The following TRAPPC5 variants were observed in gnomAD, a reference collection of about 807,000 sequenced individuals.
TRAPPC5 encodes trafficking protein particle complex subunit 5.
A neutral mutation model predicts 9.8 loss-of-function variants in TRAPPC5; 5 were observed. That is an observed-to-expected ratio of 0.51 (90% CI 0.27 to 1.07). The LOEUF (loss-of-function observed/expected upper bound fraction) is 1.07. TRAPPC5 is among the 50% of genes least tolerant of loss of function. TRAPPC5 has a pLI of 0.12. For missense variants in TRAPPC5, 243 were observed against 291.5 expected, an observed-to-expected ratio of 0.83 and a Z score of 1.21; for synonymous variants, 146 against 140.7, an observed-to-expected ratio of 1.04 and a Z score of -0.26.
rs2032720701 is a variant in TRAPPC5 at position 7,686,644 on chromosome 19, G to A, written c.*3824G>A. On this transcript the variant is annotated 3_prime_UTR_variant, in exon 2 of 2. Transcript: ENST00000596148. ...CCTGCTTCAGCCTCCTGAATAGTTGGGACTATAGGCATCCGCCACCACACC... is the reference window on the plus strand; with the variant it reads ...CCTGCTTCAGCCTCCTGAATAGTTGAGACTATAGGCATCCGCCACCACACC... The A allele has an allele frequency of 1.3e-5, 2 of 151,862 alleles. No homozygotes were observed. The highest frequency in any genetic ancestry group is 2.1e-4 in the South Asian group (1 of 4,816). The allele number at this position is 151,862 out of a possible 1,614,324, so 9.4% of individuals were successfully genotyped here. A position where few individuals can be genotyped will look rare whatever the true frequency, so the allele number is the denominator to read the frequency against.
Position 7,687,215 on chromosome 19 carries a change from A to C in TRAPPC5, c.*4395A>C, listed in dbSNP as rs1363462131. 6.6e-6 allele frequency: 1 copy of C among 152,504 alleles called. No individual in the cohort carries two copies. The highest frequency in any genetic ancestry group is 2.4e-5 in the African/African-American group (1 of 41,458). The allele number at this position is 152,504 out of a possible 1,614,324, so 9.4% of individuals were successfully genotyped here. A position where few individuals can be genotyped will look rare whatever the true frequency, so the allele number is the denominator to read the frequency against. ...TGAGTGATTGTGAGCGCCGTTTGAC[A>C]GCAGAGCCCACTGGCATTTCTTATG... On this transcript the variant is annotated 3_prime_UTR_variant, in exon 2 of 2. Coordinates refer to ENST00000596148, the MANE Select transcript of TRAPPC5 (RefSeq NM_001042462.2).
rs1248148798 is a variant in TRAPPC5, at chr19:7,682,155, G to A, written c.-12-87G>A. ...AGTGGCATGGGTCGAGGGTGTCCCA[G>A]GGCCCCTCGCGGTTCTCCCTCCTTT... On this transcript the variant is annotated intron_variant, in intron 1 of 1. Transcript: ENST00000596148. This position sits in a 1 kb window ranked among gnomAD's most constrained non-coding sequence, Gnocchi z 8.6. The A allele has an allele frequency of 1.3e-5, 15 of 1,144,062 alleles. No individual in the cohort carries two copies. Among genetic ancestry groups the A allele is most frequent in the South Asian group, 1.9e-5 (1 of 53,418 alleles). The allele number at this position is 1,144,062 out of a possible 1,614,324, so 70.9% of individuals were successfully genotyped here.
In TRAPPC5 at chr19:7,682,320, G is replaced by C; in HGVS notation, c.67G>C (p.Glu23Gln). Residue 23 changes from glutamate (E) to glutamine (Q), a missense_variant, in exon 2 of 2, where the codon GAG (glutamate) becomes CAG (glutamine). By Grantham distance (29) the Glu-to-Gln change is conservative (BLOSUM62 2). This residue lies in a region of TRAPPC5 where 89 missense variants were observed against 75.7 expected (regional missense o/e 1.18). Transcript: ENST00000596148. This position sits in a 1 kb window ranked among gnomAD's most constrained non-coding sequence, Gnocchi z 8.6. ...LERALARPRT[E>Q]VSLSAFALLF... ...GCGCGCGCTGGCGCGGCCGCGCACC[G>C]AGGTGAGCCTGAGCGCCTTCGCACT... 6.6e-7 allele frequency: 1 copy of C among 1,524,030 alleles called. No homozygotes were observed. The highest frequency in any genetic ancestry group is 1.3e-5 in the South Asian group (1 of 79,762). The allele number at this position is 1,524,030 out of a possible 1,614,324, so 94.4% of individuals were successfully genotyped here.
chr19:7,685,003 A>G lies in TRAPPC5; in HGVS notation c.*2183A>G, dbSNP rs10408062. On this transcript the variant is annotated 3_prime_UTR_variant, in exon 2 of 2. Coordinates refer to ENST00000596148, the MANE Select transcript of TRAPPC5 (RefSeq NM_001042462.2). Reference sequence around the variant, plus strand: ...ATTTGAAATAAGGCCAGGCGTGGCGACTTATGTCTGTAATCCCAGCACTTT... The same window carrying G: ...ATTTGAAATAAGGCCAGGCGTGGCGGCTTATGTCTGTAATCCCAGCACTTT... The G allele has an allele frequency of 0.53, 79,705 of 151,738 alleles. 23,432 individuals are homozygous for G. The highest frequency in any genetic ancestry group is 0.81 in the African/African-American group (33,590 of 41,444). 9.4% of individuals were successfully genotyped at this position (151,738 alleles called of 1,614,324 possible). A position where few individuals can be genotyped will look rare whatever the true frequency, so the allele number is the denominator to read the frequency against.
rs908160341 is a variant in TRAPPC5, at chr19:7,682,235, C to A, written c.-12-7C>A. ...CCTGACACCTGCACTTCCTGGTCTC[C>A]CCGCAGGGTGGCGGCGGCATGGAGG... On this transcript the variant is annotated splice_region_variant and splice_polypyrimidine_tract_variant and intron_variant, in intron 1 of 1. Coordinates refer to ENST00000596148, the MANE Select transcript of TRAPPC5 (RefSeq NM_001042462.2). This position sits in a 1 kb window ranked among gnomAD's most constrained non-coding sequence, Gnocchi z 8.6. 9 of 1,388,206 alleles carry A rather than the reference C, an allele frequency of 6.5e-6. No individual in the cohort carries two copies. The African/African-American group carries it at 1.4e-4, about 21-fold the overall frequency. 86.0% of individuals were successfully genotyped at this position (1,388,206 alleles called of 1,614,324 possible).
chr19:7,683,049 G>T lies in TRAPPC5; in HGVS notation c.*229G>T. ...AGAAATAAACCCGGCAAAAGGAGTTGGTGGGAAATGCTGGCAGGTTCTGGA... is the reference window on the plus strand; with the variant it reads ...AGAAATAAACCCGGCAAAAGGAGTTTGTGGGAAATGCTGGCAGGTTCTGGA... On this transcript the variant is annotated 3_prime_UTR_variant, in exon 2 of 2. Coordinates refer to ENST00000596148, the MANE Select transcript of TRAPPC5 (RefSeq NM_001042462.2). The T allele has an allele frequency of 1.8e-6, 1 of 561,780 alleles. No individual in the cohort carries two copies. 34.8% of individuals were successfully genotyped at this position (561,780 alleles called of 1,614,324 possible).
At position 7,683,042 on chromosome 19, in the gene TRAPPC5, AG is replaced by A; in HGVS notation, c.*224del. 1 of 566,852 alleles carries A rather than the reference AG, an allele frequency of 1.8e-6. No individual in the cohort carries two copies. Among genetic ancestry groups the A allele is most frequent in the Non-Finnish European group, 3.1e-6 (1 of 321,654 alleles). 35.1% of individuals were successfully genotyped at this position (566,852 alleles called of 1,614,324 possible). A position where few individuals can be genotyped will look rare whatever the true frequency, so the allele number is the denominator to read the frequency against. Reference sequence around the variant, plus strand: ...GGTGGGGAGAAATAAACCCGGCAAAAGGAGTTGGTGGGAAATGCTGGCAGGT... The same window carrying A: ...GGTGGGGAGAAATAAACCCGGCAAAAGAGTTGGTGGGAAATGCTGGCAGGT... On this transcript the variant is annotated 3_prime_UTR_variant, in exon 2 of 2. Transcript: ENST00000596148.
rs372468886 is a variant in TRAPPC5 at position 7,682,526 on chromosome 19, C to T, written c.273C>T (p.Gly91=). The T allele has an allele frequency of 2.5e-6, 4 of 1,612,944 alleles. No individual in the cohort carries two copies. In the African/African-American group the frequency reaches 4.0e-5, roughly 16 times the overall value. Residue 91 remains glycine, a synonymous_variant, in exon 2 of 2, where the codon GGC becomes GGT. Transcript: ENST00000596148. The surrounding 1 kb of genome is among the most constrained non-coding windows in gnomAD (Gnocchi z 8.6). ...KVLGALLFVK[G]AVWKALFGKE... ...TAGGCGCGTTGCTCTTCGTCAAGGG[C>T]GCCGTGTGGAAGGCGCTCTTCGGCA...
rs137869417 is a variant in TRAPPC5 at position 7,683,151 on chromosome 19, TTAGAC to T, written c.*333_*337del. Reference sequence around the variant, plus strand: ...ACGCATCAGGCTGAGACAGACGCCTTTAGACTGGGGGTGGGCAAACTGCGCAAAGT... The same window carrying T: ...ACGCATCAGGCTGAGACAGACGCCTTTGGGGGTGGGCAAACTGCGCAAAGT... On this transcript the variant is annotated 3_prime_UTR_variant, in exon 2 of 2. Coordinates refer to ENST00000596148, the MANE Select transcript of TRAPPC5 (RefSeq NM_001042462.2). The T allele has an allele frequency of 5.0e-3, 1,713 of 340,590 alleles. 56 individuals are homozygous for T. The East Asian group carries it at 0.064, about 13-fold the overall frequency. 21.1% of individuals were successfully genotyped at this position (340,590 alleles called of 1,614,324 possible).
At position 7,686,722 on chromosome 19, in the gene TRAPPC5, C is replaced by G. The variant is rs1030127529; in HGVS notation, c.*3902C>G. ...ACGGGGTTTCACCATGTTGGCCAGG[C>G]TGGTCTGGAACTCCTGACCTCAAGT... On this transcript the variant is annotated 3_prime_UTR_variant, in exon 2 of 2. Transcript: ENST00000596148. 1.3e-5 allele frequency: 2 copies of G among 152,300 alleles called. No individual in the cohort carries two copies. Among genetic ancestry groups the G allele is most frequent in the African/African-American group, 2.4e-5 (1 of 41,446 alleles). 9.4% of individuals were successfully genotyped at this position (152,300 alleles called of 1,614,324 possible).
Position 7,682,842 on chromosome 19 carries a change from C to T in TRAPPC5, c.*22C>T. On this transcript the variant is annotated 3_prime_UTR_variant, in exon 2 of 2. Coordinates refer to ENST00000596148, the MANE Select transcript of TRAPPC5 (RefSeq NM_001042462.2). The surrounding 1 kb of genome is among the most constrained non-coding windows in gnomAD (Gnocchi z 8.6). ...CTGACCCTGCCGGAGATAAAGGATA[C>T]AGAGAGCCCCTCCCCACGTGTGTCT... 2 of 1,549,284 alleles carry T rather than the reference C, an allele frequency of 1.3e-6. No individual in the cohort carries two copies. The highest frequency in any genetic ancestry group is 1.7e-6 in the Non-Finnish European group (2 of 1,143,356).
chr19:7,684,589 C>T lies in TRAPPC5; in HGVS notation c.*1769C>T, dbSNP rs1408817558. ...GGCGCGGTGGCTCACGCCTATAATC[C>T]CAGCACTTTGGGAGGCCGAGGCAGG... On this transcript the variant is annotated 3_prime_UTR_variant, in exon 2 of 2. Coordinates refer to ENST00000596148, the MANE Select transcript of TRAPPC5 (RefSeq NM_001042462.2). The T allele has an allele frequency of 6.6e-6, 1 of 152,208 alleles. No homozygotes were observed. Among genetic ancestry groups the T allele is most frequent in the African/African-American group, 2.4e-5 (1 of 41,414 alleles). 9.4% of individuals were successfully genotyped at this position (152,208 alleles called of 1,614,324 possible).
Position 7,682,856 on chromosome 19 carries a change from C to T in TRAPPC5, c.*36C>T. 1 of 1,522,836 alleles carries T rather than the reference C, an allele frequency of 6.6e-7. No individual in the cohort carries two copies. 94.3% of individuals were successfully genotyped at this position (1,522,836 alleles called of 1,614,324 possible). ...GATAAAGGATACAGAGAGCCCCTCC[C>T]CACGTGTGTCTTGTGTCTTGTGTGG... On this transcript the variant is annotated 3_prime_UTR_variant, in exon 2 of 2. Coordinates refer to ENST00000596148, the MANE Select transcript of TRAPPC5 (RefSeq NM_001042462.2). This position sits in a 1 kb window ranked among gnomAD's most constrained non-coding sequence, Gnocchi z 8.6.
rs201747018 is a variant in TRAPPC5 at position 7,682,815 on chromosome 19, C to T, written c.562C>T (p.Arg188Cys). 1 of 1,590,632 alleles carries T rather than the reference C, an allele frequency of 6.3e-7. No individual in the cohort carries two copies. Among genetic ancestry groups the T allele is most frequent in the Non-Finnish European group, 8.6e-7 (1 of 1,166,500 alleles). The change falls in exon 2 of 2, where the codon CGC becomes TGC. Residue 188 changes from arginine (R) to cysteine (C), a missense_variant. This residue lies in a region of TRAPPC5 where 154 missense variants were observed against 215.8 expected (regional missense o/e 0.71). Transcript: ENST00000596148. The surrounding 1 kb of genome is among the most constrained non-coding windows in gnomAD (Gnocchi z 8.6). ...CGCTCGAGACCGGGCCCTGGAGGGCCGCTGACCCTGCCGGAGATAAAGGAT... is the reference window on the plus strand; with the variant it reads ...CGCTCGAGACCGGGCCCTGGAGGGCTGCTGACCCTGCCGGAGATAAAGGAT... ...VIARDRALEG[R>C]
chr19:7,687,191 GA>G lies in TRAPPC5; in HGVS notation c.*4372del, dbSNP rs1237166230. Reference sequence around the variant, plus strand: ...GGCAGTGGCAGAAGGGGTGAGCAGTGAGTGATTGTGAGCGCCGTTTGACAGC... The same window carrying G: ...GGCAGTGGCAGAAGGGGTGAGCAGTGGTGATTGTGAGCGCCGTTTGACAGC... On this transcript the variant is annotated 3_prime_UTR_variant, in exon 2 of 2. Transcript: ENST00000596148. 6.6e-6 allele frequency: 1 copy of G among 152,274 alleles called. No homozygotes were observed. The highest frequency in any genetic ancestry group is 1.5e-5 in the Non-Finnish European group (1 of 68,080). The allele number at this position is 152,274 out of a possible 1,614,324, so 9.4% of individuals were successfully genotyped here. A position where few individuals can be genotyped will look rare whatever the true frequency, so the allele number is the denominator to read the frequency against.
Position 7,687,017 on chromosome 19 carries a change from T to G in TRAPPC5, c.*4197T>G, listed in dbSNP as rs1161849511. 10 of 152,222 alleles carry G rather than the reference T, an allele frequency of 6.6e-5. No individual in the cohort carries two copies. Among genetic ancestry groups the G allele is most frequent in the African/African-American group, 1.9e-4 (8 of 41,362 alleles). 9.4% of individuals were successfully genotyped at this position (152,222 alleles called of 1,614,324 possible). ...GCCTCAAACTCCTGAACTCAAGCAGTCCTCCCACCTCAGCCTCCCAAAGCG... is the reference window on the plus strand; with the variant it reads ...GCCTCAAACTCCTGAACTCAAGCAGGCCTCCCACCTCAGCCTCCCAAAGCG... On this transcript the variant is annotated 3_prime_UTR_variant, in exon 2 of 2. Coordinates refer to ENST00000596148, the MANE Select transcript of TRAPPC5 (RefSeq NM_001042462.2).
In TRAPPC5 at chr19:7,682,853, T is replaced by C. The variant is rs547077244; in HGVS notation, c.*33T>C. The C allele has an allele frequency of 2.6e-6, 4 of 1,526,186 alleles. No homozygotes were observed. The African/African-American group carries it at 4.1e-5, about 16-fold the overall frequency. 94.5% of individuals were successfully genotyped at this position (1,526,186 alleles called of 1,614,324 possible). ...GGAGATAAAGGATACAGAGAGCCCC[T>C]CCCCACGTGTGTCTTGTGTCTTGTG... On this transcript the variant is annotated 3_prime_UTR_variant, in exon 2 of 2. Transcript: ENST00000596148. The surrounding 1 kb of genome is among the most constrained non-coding windows in gnomAD (Gnocchi z 8.6).
chr19:7,686,385 G>T lies in TRAPPC5; in HGVS notation c.*3565G>T. 6.6e-6 allele frequency: 1 copy of T among 152,644 alleles called. No homozygotes were observed. Among genetic ancestry groups the T allele is most frequent in the Non-Finnish European group, 1.5e-5 (1 of 68,242 alleles). The allele number at this position is 152,644 out of a possible 1,614,324, so 9.5% of individuals were successfully genotyped here. A position where few individuals can be genotyped will look rare whatever the true frequency, so the allele number is the denominator to read the frequency against. On this transcript the variant is annotated 3_prime_UTR_variant, in exon 2 of 2. Transcript: ENST00000596148. Reference sequence around the variant, plus strand: ...GGAAGGTCTTCCCCTGGACCCTCCAGGTGGGTGGGTGAGAGGAAGAGGAGG... The same window carrying T: ...GGAAGGTCTTCCCCTGGACCCTCCATGTGGGTGGGTGAGAGGAAGAGGAGG...
rs1048061448 is a variant in TRAPPC5 at position 7,681,627 on chromosome 19, C to G, written c.-12-615C>G. On this transcript the variant is annotated intron_variant, in intron 1 of 1. Transcript: ENST00000596148. This position sits in a 1 kb window ranked among gnomAD's most constrained non-coding sequence, Gnocchi z 8.7. ...GCCCCTCCTGCCTGGCCCCACGGAT[C>G]CCCCCTGTTAAAGCCCCCAACCCTC... 6.6e-6 allele frequency among the ~76,000 whole-genome samples: 1 copy of G among 151,844 alleles called. No homozygotes were observed. Among genetic ancestry groups the G allele is most frequent in the Non-Finnish European group, 1.5e-5 (1 of 67,966 alleles).
Sources: gnomAD v4.1 joint callset for allele counts (sites outside exome capture counted in the v4.1 genomes callset) on GRCh38, gnomAD v4.1.1 for gene constraint, gnomAD v4.1.1 regional missense constraint, Gnocchi (gnomAD v3.1) non-coding constraint, MANE v1.5 for transcripts, NCBI Gene and HGNC (gene_info 2026-07-23, HGNC 2026-07-21) for gene names.